The following NALCN variants were observed in gnomAD, a reference collection of about 807,000 sequenced individuals.
NALCN encodes sodium leak channel NALCN.
In NALCN, 111 loss-of-function variants were observed where a neutral mutation model predicts 225.3. That is an observed-to-expected ratio of 0.49 (90% CI 0.42 to 0.58). NALCN has a LOEUF of 0.58. Ranked by LOEUF, NALCN falls within the 20% of genes least tolerant of loss-of-function variation. NALCN has a pLI of 0.00. For synonymous variants in NALCN, 764 were observed against 769.0 expected (o/e 0.99, Z 0.11); for missense variants, 1,378 against 2,202.4 (o/e 0.63, Z 7.49).
intron 6 of NALCN, among the ~76,000 whole-genome samples, chr13:101,364,775 T>A (rs1356519886): frequency 5.3e-5 from 8 of 152,158 alleles, no homozygotes; most frequent in Admixed American, 5.2e-4. Flanking sequence ...TTTCAGGTGA[T>A]GGATATGCCA....
intron 39 of NALCN, among the ~76,000 whole-genome samples, chr13:101,065,900 G>A (rs907958528): frequency 5.9e-5 from 9 of 152,188 alleles, no homozygotes; most frequent in Admixed American, 1.3e-4. Flanking sequence ...TCCCACAGAC[G>A]CCACCTCCAA....
At chr13:101,077,071 T>TC (rs982702027) in intron 34 of NALCN, among the ~76,000 whole-genome samples, 1 of 109,122 alleles carries the variant, frequency 9.2e-6, no homozygotes, top group African/African-American at 2.8e-5. Context: ...ATAAGGGGCT[T>TC]CCCCTTTCAC....
chr13:101,362,504 A>G (rs1193959779), intron 6 of NALCN, among the ~76,000 whole-genome samples: 1 of 152,150 alleles, frequency 6.6e-6, no homozygotes, highest in Non-Finnish European at 1.5e-5. Flanking sequence ...TTATTATTTC[A>G]ATAGATGCAG....
At chr13:101,294,246 T>C (rs979375605) in intron 7 of NALCN, among the ~76,000 whole-genome samples, 3 of 152,184 alleles carry the variant, frequency 2.0e-5, no homozygotes, top group Non-Finnish European at 4.4e-5. Flanking sequence ...AAGGAATAAG[T>C]TGTAATGTTC....
chr13:101,415,228 T>TATATATATATATATATAAATAC (rs137895468), intron 1 of NALCN, among the ~76,000 whole-genome samples: 1 of 129,300 alleles, frequency 7.7e-6, no homozygotes, highest in Non-Finnish European at 1.6e-5. Flanking sequence ...TATATATACA[T>TATATATATATATATATAAATAC]ACATATATAT....
rs76776920 is a variant in NALCN, at chr13:101,110,678, G to A, written c.2305C>T (p.His769Tyr). Reference sequence around the variant, plus strand: ...CTGATCCTCTGGCTGTTTGATCCATGTCTTAGTGACCTAAAACAACCACAG... The same window carrying A: ...CTGATCCTCTGGCTGTTTGATCCATATCTTAGTGACCTAAAACAACCACAG... ...HIRQERRSLR[H>Y]GSNSQRISRG... Residue 769 changes from histidine to tyrosine, a missense_variant, in exon 20 of 44, where the codon CAT becomes TAT. Transcript: ENST00000251127. The A allele has an allele frequency of 0.025, 40,506 of 1,613,804 alleles. 602 individuals carry two copies. The highest frequency in any genetic ancestry group is 0.03 in the Non-Finnish European group (35,032 of 1,179,730).
At chr13:101,055,640 C>A in intron 43 of NALCN, 152 bp from the exon 44 acceptor site, 2 of 568,802 alleles carry the variant, frequency 3.5e-6, no homozygotes, top group South Asian at 4.0e-5. Context: ...GGACTTGATT[C>A]TTTATGTTCA....
intron 7 of NALCN, among the ~76,000 whole-genome samples, chr13:101,329,569 C>T (rs143741264): frequency 2.6e-5 from 4 of 151,750 alleles, no homozygotes; most frequent in African/African-American, 7.3e-5. Flanking sequence ...ATAATAACAC[C>T]GAAATGGAAT....
chr13:101,152,745 T>A (rs2037713217), intron 15 of NALCN, among the ~76,000 whole-genome samples: 1 of 152,238 alleles, frequency 6.6e-6, no homozygotes. Context: ...TTTATTCTTC[T>A]AGGTCCCAAA....
At chr13:101,256,141 G>A (rs145144400) in intron 11 of NALCN, among the ~76,000 whole-genome samples, 5 of 152,126 alleles carry the variant, frequency 3.3e-5, no homozygotes, top group Non-Finnish European at 4.4e-5. Context: ...CCACATTCAC[G>A]TGACACCCTA....
In NALCN at chr13:101,218,955, C is replaced by T. The variant is rs548505720; in HGVS notation, c.1626+10438G>A. On this transcript the variant is annotated intron_variant, in intron 13 of 43. Transcript: ENST00000251127. ...TACTGTGGGTCTATATCATCTTCCT[C>T]TTATGCATATTTGTGTCTGTTCTTT... Among the ~76,000 whole-genome samples the T allele has an allele frequency of 2.6e-5, 4 of 152,198 alleles. No homozygotes were observed. The East Asian group carries it at 7.7e-4, about 29-fold the overall frequency.
chr13:101,208,468 T>C (rs2040404607), intron 13 of NALCN, among the ~76,000 whole-genome samples: 1 of 152,230 alleles, frequency 6.6e-6, no homozygotes, highest in South Asian at 2.1e-4. Flanking sequence ...GGACACAGTA[T>C]GAGAGGGCTT....
At chr13:101,189,055 G>T (rs1010188861) in intron 14 of NALCN, among the ~76,000 whole-genome samples, 1 of 152,044 alleles carries the variant, frequency 6.6e-6, no homozygotes, top group Admixed American at 6.6e-5. Context: ...ATTTTAAGAT[G>T]CACATTTACT....
At chr13:101,385,803 C>T (rs1190892443) in intron 3 of NALCN, among the ~76,000 whole-genome samples, 2 of 152,178 alleles carry the variant, frequency 1.3e-5, no homozygotes, top group East Asian at 1.9e-4. Flanking sequence ...TATCATATTT[C>T]ACCAATTCTA....
chr13:101,125,150 G>A (rs1253144384), intron 17 of NALCN, among the ~76,000 whole-genome samples: 1 of 152,064 alleles, frequency 6.6e-6, no homozygotes, highest in African/African-American at 2.4e-5. Context: ...CCTAGTTGGC[G>A]ATGATAAAAT....
At chr13:101,387,244 A>C (rs942144808) in intron 3 of NALCN, among the ~76,000 whole-genome samples, 2 of 150,092 alleles carry the variant, frequency 1.3e-5, no homozygotes, top group South Asian at 2.1e-4. Context: ...AAAAAAAAAA[A>C]AAAAAAAAAA....
At chr13:101,258,165 G>A (rs1027530781) in intron 11 of NALCN, among the ~76,000 whole-genome samples, 1 of 152,036 alleles carries the variant, frequency 6.6e-6, no homozygotes, top group Non-Finnish European at 1.5e-5. Flanking sequence ...AATAAGAGGT[G>A]GATAGGAAAA....
At chr13:101,070,668 G>A (rs1259762694) in intron 37 of NALCN, among the ~76,000 whole-genome samples, 2 of 151,992 alleles carry the variant, frequency 1.3e-5, no homozygotes, top group East Asian at 3.9e-4. Context: ...TTTTTTTTCT[G>A]AGCAGTAGGT....
intron 41 of NALCN, among the ~76,000 whole-genome samples, chr13:101,060,903 T>C (rs1276614518): frequency 3.3e-5 from 5 of 152,246 alleles, no homozygotes; most frequent in Admixed American, 6.5e-5. Flanking sequence ...GGGACATCAC[T>C]GGGCAGCTGG....
Sources: allele counts gnomAD v4.1 joint callset (sites outside exome capture counted in the v4.1 genomes callset), GRCh38; gene constraint gnomAD v4.1.1; transcripts MANE v1.5; gene names NCBI Gene and HGNC (gene_info 2026-07-23, HGNC 2026-07-21).